ABCA5: variants seen among roughly 807,000 people sequenced by gnomAD.
ABCA5 encodes ATP binding cassette subfamily A member 5, also known as cholesterol transporter ABCA5.
Under a neutral mutation model 206.0 loss-of-function variants are expected in ABCA5, and 163 were observed. The ratio of observed to expected loss-of-function variants is 0.79; its 90% confidence interval spans 0.70 to 0.90. The LOEUF (loss-of-function observed/expected upper bound fraction) is 0.90, where lower values mean the gene tolerates loss of function less well. Among genes scored for constraint, ABCA5 ranks in the 40% least tolerant of loss-of-function variants. ABCA5 has a pLI of 0.00. For synonymous variants in ABCA5, 609 were observed against 613.8 expected (o/e 0.99, Z 0.11); for missense variants, 1,859 against 1,912.9 (o/e 0.97, Z 0.53).
chr17:69,303,807 T>TATATATACACATATATATATATACAC (rs1474929503), intron 7 of ABCA5, among the ~76,000 whole-genome samples: 1 of 5,226 alleles, frequency 1.9e-4, no homozygotes, highest in Non-Finnish European at 1.2e-3. Context: ...TATATATATA[T>TATATATACACATATATATATATACAC]ACATACATAT....
In ABCA5 at chr17:69,253,675, G is replaced by T; in HGVS notation, c.4321-8C>A. The T allele has an allele frequency of 6.2e-7, 1 of 1,609,818 alleles. No homozygotes were observed. Among genetic ancestry groups the T allele is most frequent in the South Asian group, 1.1e-5 (1 of 90,988 alleles). On this transcript the variant is annotated splice_region_variant and splice_polypyrimidine_tract_variant and intron_variant, in intron 33 of 38. Coordinates refer to ENST00000392676, the MANE Select transcript of ABCA5 (RefSeq NM_172232.4). ...ACTTAGAGCAAAACACAACTACATGGAAAGAAAAAGATGGGTGGGAAATTA... is the reference window on the plus strand; with the variant it reads ...ACTTAGAGCAAAACACAACTACATGTAAAGAAAAAGATGGGTGGGAAATTA...
intron 18 of ABCA5, among the ~76,000 whole-genome samples, chr17:69,280,223 G>A (rs1048119927): frequency 6.6e-6 from 1 of 152,150 alleles, no homozygotes; most frequent in African/African-American, 2.4e-5. Context: ...AGTGGGCAAA[G>A]GACATAAACA....
chr17:69,262,392 C>A (rs548170915), intron 24 of ABCA5, among the ~76,000 whole-genome samples: 9 of 152,158 alleles, frequency 5.9e-5, no homozygotes, highest in East Asian at 5.8e-4. Flanking sequence ...CTTCCTCCTG[C>A]CCCCGTCTAG....
At position 69,271,262 on chromosome 17, in the gene ABCA5, A is replaced by G. The variant is rs1321841517; in HGVS notation, c.2792T>C (p.Phe931Ser). The G allele has an allele frequency of 1.9e-6, 3 of 1,612,900 alleles. No individual in the cohort carries two copies. The South Asian group carries it at 3.3e-5, about 18-fold the overall frequency. ...ADSDISDLISFFTSQNIMVTM... is the reference protein window; with the variant it reads ...ADSDISDLISSFTSQNIMVTM... ...CACCATTATGTTCTGGCTTGTGAAA[A>G]AGCTAATAAGATCACTGATATCTGA... The change falls in exon 21 of 39, where the codon TTT (phenylalanine) becomes TCT (serine). Residue 931 changes from phenylalanine (F) to serine (S), a missense_variant. Transcript: ENST00000392676.
In ABCA5 at chr17:69,309,406, A is replaced by G. The variant is rs201346812; in HGVS notation, c.325T>C (p.Tyr109His). 1.9e-6 allele frequency: 3 copies of G among 1,577,024 alleles called. No individual in the cohort carries two copies. The highest frequency in any genetic ancestry group is 2.6e-6 in the Non-Finnish European group (3 of 1,165,498). Residue 109 changes from tyrosine (Y) to histidine (H), a missense_variant, in exon 4 of 39, where the codon TAT becomes CAT. Tyr to His is a moderately conservative substitution (Grantham distance 83, BLOSUM62 2). Coordinates refer to ENST00000392676, the MANE Select transcript of ABCA5 (RefSeq NM_172232.4). ...HLPDVIITEE[Y>H]TNEKEMLTSS... ...GTTAACATTTCTTTTTCATTTGTAT[A>G]TTCTTCAGTAATTATGACTGTAAGA...
chr17:69,281,832 T>C (rs2075396849), intron 18 of ABCA5, among the ~76,000 whole-genome samples: 1 of 152,224 alleles, frequency 6.6e-6, no homozygotes. Context: ...CATGATGATA[T>C]ATTCAGCTTG....
At chr17:69,320,188 G>A (rs2075851382) in intron 1 of ABCA5, among the ~76,000 whole-genome samples, 1 of 151,818 alleles carries the variant, frequency 6.6e-6, no homozygotes, top group African/African-American at 2.4e-5. Flanking sequence ...TCATATTCTT[G>A]GAACAAGAGA....
In ABCA5 at chr17:69,314,386, A is replaced by T. The variant is rs767528306; in HGVS notation, c.30T>A (p.Val10=). 6.2e-7 allele frequency: 1 copy of T among 1,613,576 alleles called. No homozygotes were observed. Among genetic ancestry groups the T allele is most frequent in the South Asian group, 1.1e-5 (1 of 91,042 alleles). The change falls in exon 2 of 39, where the codon GTT becomes GTA. Residue 10 remains valine (V), a synonymous_variant. Coordinates refer to ENST00000392676, the MANE Select transcript of ABCA5 (RefSeq NM_172232.4). ...GTAGAAGTGTTCTGGTCTGTCTCCAAACTCCTACCTCCCTAATTGCAGTGG... is the reference window on the plus strand; with the variant it reads ...GTAGAAGTGTTCTGGTCTGTCTCCATACTCCTACCTCCCTAATTGCAGTGG... MSTAIREVG[V]WRQTRTLLLK...
intron 9 of ABCA5, 97 bp from the exon 10 acceptor site, chr17:69,297,456 G>A: frequency 1.8e-6 from 2 of 1,092,984 alleles, no homozygotes; most frequent in South Asian, 1.6e-5. Flanking sequence ...CTAAAGTTTA[G>A]GTACCATTCC....
At chr17:69,253,762 T>C (rs2075043856) in intron 33 of ABCA5, 32 bp downstream of exon 33, 1 of 1,592,286 alleles carries the variant, frequency 6.3e-7, no homozygotes. Flanking sequence ...TCAATAAAAA[T>C]ACAGGCATTA....
Position 69,287,774 on chromosome 17 carries a change from G to A in ABCA5, c.1903-23C>T, listed in dbSNP as rs977917608. 4 of 1,602,540 alleles carry A rather than the reference G, an allele frequency of 2.5e-6. No individual in the cohort carries two copies. The African/African-American group carries it at 4.0e-5, about 16-fold the overall frequency. ...TATCTGTGTGAAAAGAGGTGAAGAA[G>A]GGCAGGGAATCCTCAGAAAAACTAA... On this transcript the variant is annotated intron_variant, in intron 14 of 38. Coordinates refer to ENST00000392676, the MANE Select transcript of ABCA5 (RefSeq NM_172232.4).
chr17:69,322,273 G>C (rs1411554496), intron 1 of ABCA5, among the ~76,000 whole-genome samples: 1 of 148,174 alleles, frequency 6.7e-6, no homozygotes, highest in East Asian at 2.0e-4. Context: ...AGGAGGCTGA[G>C]GCAGGAGAAT....
chr17:69,274,217 G>T, intron 19 of ABCA5, 89 bp from the exon 20 acceptor site: 2 of 1,276,668 alleles, frequency 1.6e-6, no homozygotes, highest in Non-Finnish European at 2.1e-6. Context: ...CATTGATATG[G>T]ACTTTTTTTG....
rs1176172773 is a variant in ABCA5, at chr17:69,303,759, TAAAAAAAA to T, written c.931-861_931-854del. ...TGGACACTTAGGAAGACCTCGACTC[TAAAAAAAA>T]AAAAAAAAAAAAAAAAAAATATATA... On this transcript the variant is annotated intron_variant, in intron 7 of 38. Transcript: ENST00000392676. Among the ~76,000 whole-genome samples, 12 of 2,450 alleles carry T rather than the reference TAAAAAAAA, an allele frequency of 4.9e-3. 1 individual carries two copies. The highest frequency in any genetic ancestry group is 0.1 in the South Asian group (1 of 10). The allele number at this position is 2,450 out of a possible 152,430, so 1.6% of individuals were successfully genotyped here. A position where few individuals can be genotyped will look rare whatever the true frequency, so the allele number is the denominator to read the frequency against.
At chr17:69,258,835 G>T (rs1373096841) in intron 28 of ABCA5, among the ~76,000 whole-genome samples, 3 of 152,094 alleles carry the variant, frequency 2.0e-5, no homozygotes, top group Non-Finnish European at 4.4e-5. Flanking sequence ...AAAGACAAAA[G>T]TTGAGGATGC....
intron 11 of ABCA5, among the ~76,000 whole-genome samples, chr17:69,291,710 G>A (rs578165337): frequency 1.3e-5 from 2 of 152,198 alleles, no homozygotes; most frequent in South Asian, 4.2e-4. Flanking sequence ...GCATAGAAAT[G>A]GCTTGAAAGG....
chr17:69,258,103 A>C (rs2075103599), intron 28 of ABCA5, among the ~76,000 whole-genome samples: 1 of 152,106 alleles, frequency 6.6e-6, no homozygotes, highest in South Asian at 2.1e-4. Context: ...AACTAGGAAA[A>C]TGTTATTCGT....
intron 3 of ABCA5, 78 bp downstream of exon 3, chr17:69,313,014 T>G (rs551203411): frequency 1.1e-6 from 1 of 938,082 alleles, no homozygotes; most frequent in Non-Finnish European, 1.5e-6. Flanking sequence ...AAGACTGCTA[T>G]TCATTCAATA....
rs780208867 is a variant in ABCA5 at position 69,255,786 on chromosome 17, G to C, written c.3923C>G (p.Ser1308Ter). The change falls in exon 30 of 39, where the codon TCA becomes TGA. Residue 1308 changes from serine (S) to a stop codon, truncating the protein, a stop_gained. Transcript: ENST00000392676. LOFTEE classifies it high-confidence loss of function. ...EYDDKKDFLL[S>*]RKVKKVATKY... is the part of the protein sequence containing the mutation. ...AGTTGCCACTTTCTTTACTTTTCTT[G>C]AAAGAAGAAAATCTTTCTTGTCATC... 4 of 1,597,108 alleles carry C rather than the reference G, an allele frequency of 2.5e-6. No homozygotes were observed. In the African/African-American group the frequency reaches 5.4e-5, roughly 22 times the overall value.
Sources: allele counts gnomAD v4.1 joint callset (sites outside exome capture counted in the v4.1 genomes callset), GRCh38; gene constraint gnomAD v4.1.1; transcripts MANE v1.5; gene names NCBI Gene and HGNC (gene_info 2026-07-23, HGNC 2026-07-21).